Variants in A3GALT2 observed in about 807,000 individuals in gnomAD.
A3GALT2 encodes the protein alpha 1,3-galactosyltransferase 2.
A3GALT2 carries 14 observed loss-of-function variants against 16.6 expected under a neutral mutation model. That is an observed-to-expected ratio of 0.84 (90% CI 0.56 to 1.32). The LOEUF (loss-of-function observed/expected upper bound fraction) is 1.32, where lower values mean the gene tolerates loss of function less well. A3GALT2 is among the 40% of genes most tolerant of loss of function. The probability of loss-of-function intolerance (pLI) is 0.00; values close to 1 mark genes in which losing one functional copy is unlikely to be tolerated. For missense variants in A3GALT2, 600 were observed against 490.9 expected (o/e 1.22, Z -2.10); for synonymous variants, 253 against 218.0 (o/e 1.16, Z -1.42).
chr1:33,319,497 T>G (rs1207728468), intron 1 of A3GALT2, among the ~76,000 whole-genome samples: 1 of 152,202 alleles, frequency 6.6e-6, no homozygotes, highest in African/African-American at 2.4e-5. Context: ...GTTCCCTCCC[T>G]CTTTGCTACA....
chr1:33,318,556 G>A (rs1646271440), intron 1 of A3GALT2, among the ~76,000 whole-genome samples: 1 of 152,050 alleles, frequency 6.6e-6, no homozygotes, highest in Admixed American at 6.5e-5. Flanking sequence ...GTGCCTCCTT[G>A]TTTCTCACTT....
chr1:33,314,970 C>G (rs1646254581), intron 1 of A3GALT2: 1 of 152,134 alleles, frequency 6.6e-6, no homozygotes, highest in Non-Finnish European at 1.5e-5. Context: ...CATAATAGGG[C>G]TGGGAGGGGC....
chr1:33,309,013 A>G (rs1646218705), intron 4 of A3GALT2, among the ~76,000 whole-genome samples: 1 of 151,646 alleles, frequency 6.6e-6, no homozygotes, highest in South Asian at 2.1e-4. Context: ...AACAAAGCAC[A>G]TCTTGCACCG....
chr1:33,319,637 C>A (rs1032734939), intron 1 of A3GALT2, among the ~76,000 whole-genome samples: 1 of 152,052 alleles, frequency 6.6e-6, no homozygotes, highest in Non-Finnish European at 1.5e-5. Context: ...GGCCTGCACT[C>A]CAGCAGCAGG....
chr1:33,320,528 T>C lies in A3GALT2; in HGVS notation c.23+548A>G, dbSNP rs1646281297. Among the ~76,000 whole-genome samples the C allele has an allele frequency of 6.6e-6, 1 of 151,972 alleles. No homozygotes were observed. The highest frequency in any genetic ancestry group is 2.4e-5 in the African/African-American group (1 of 41,442). On this transcript the variant is annotated intron_variant, in intron 1 of 4. Transcript: ENST00000442999. This position sits in a 1 kb window ranked among gnomAD's most constrained non-coding sequence, Gnocchi z 4.3. ...TATGCCCCAGCCTGGGAGCCCGTGG[T>C]CTGTGGAGGCCCCTGATCAGTCCAC... is the stretch of plus-strand genomic sequence containing the variant.
Position 33,320,779 on chromosome 1 carries a change from G to C in A3GALT2, c.23+297C>G, listed in dbSNP as rs565347831. Among the ~76,000 whole-genome samples, 4 of 151,980 alleles carry C rather than the reference G, an allele frequency of 2.6e-5. No homozygotes were observed. Among genetic ancestry groups the C allele is most frequent in the Non-Finnish European group, 5.9e-5 (4 of 68,028 alleles). The stretch of plus-strand genomic sequence containing the variant: ...TGTACCCCCGGGTCTCTGCTTTCCG[G>C]CTCGCCAAGGGGGTTTAGAGTTAAG... On this transcript the variant is annotated intron_variant, in intron 1 of 4. Coordinates refer to ENST00000442999, the MANE Select transcript of A3GALT2 (RefSeq NM_001080438.1). This position sits in a 1 kb window ranked among gnomAD's most constrained non-coding sequence, Gnocchi z 4.3.
chr1:33,309,023 G>T (rs1003164799), intron 4 of A3GALT2, among the ~76,000 whole-genome samples: 1 of 151,470 alleles, frequency 6.6e-6, no homozygotes, highest in African/African-American at 2.4e-5. Flanking sequence ...ATCTTGCACC[G>T]CCCTTAATCC....
chr1:33,318,066 T>C (rs1285854769), intron 1 of A3GALT2, among the ~76,000 whole-genome samples: 2 of 152,286 alleles, frequency 1.3e-5, no homozygotes, highest in East Asian at 3.9e-4. Flanking sequence ...GAATAACTAA[T>C]ACGGAGAGGC....
In A3GALT2 at chr1:33,306,819, G is replaced by A. The variant is rs751248648; in HGVS notation, c.970C>T (p.Arg324Cys). Residue 324 changes from arginine to cysteine, a missense_variant, in exon 5 of 5, where the codon CGC becomes TGC. Transcript: ENST00000442999. The part of the protein sequence containing the change: ...SPDIGPRAEI[R>C]RPRLLWAPKG... ...GGCGCCCACAGCAGTCGCGGGCGGC[G>A]GATCTCGGCCCGCGGGCCGATGTCC... The A allele has an allele frequency of 2.0e-6, 3 of 1,480,028 alleles. No individual in the cohort carries two copies. The highest frequency in any genetic ancestry group is 1.7e-4 in the Middle Eastern group (1 of 5,722). 91.7% of individuals were successfully genotyped at this position (1,480,028 alleles called of 1,614,324 possible). A position where few individuals can be genotyped will look rare whatever the true frequency, so the allele number is the denominator to read the frequency against.
intron 3 of A3GALT2, 107 bp downstream of exon 3, chr1:33,312,394 G>C: frequency 7.5e-7 from 1 of 1,332,818 alleles, no homozygotes; most frequent in Admixed American, 2.3e-5. Context: ...TGGTGGCAGA[G>C]TGCCTGGCTC....
Position 33,306,799 on chromosome 1 carries a change from C to T in A3GALT2, c.990G>A (p.Trp330Ter). ...GCAGCAGCCGGTACCCCTTGGGCGC[C>T]CACAGCAGTCGCGGGCGGCGGATCT... Reference protein sequence around the residue: ...RAEIRRPRLLWAPKGYRLLRN With the variant: ...RAEIRRPRLL Residue 330 changes from tryptophan (W) to a stop codon, truncating the protein, a stop_gained, in exon 5 of 5, where the codon TGG (tryptophan) becomes TGA (stop). Coordinates refer to ENST00000442999, the MANE Select transcript of A3GALT2 (RefSeq NM_001080438.1). LOFTEE classifies it high-confidence loss of function. The T allele has an allele frequency of 6.9e-7, 1 of 1,455,216 alleles. No individual in the cohort carries two copies. Among genetic ancestry groups the T allele is most frequent in the Non-Finnish European group, 9.0e-7 (1 of 1,111,522 alleles). 90.1% of individuals were successfully genotyped at this position (1,455,216 alleles called of 1,614,324 possible).
intron 1 of A3GALT2, among the ~76,000 whole-genome samples, chr1:33,318,268 C>T (rs1646270029): frequency 1.3e-5 from 2 of 152,154 alleles, no homozygotes; most frequent in African/African-American, 2.4e-5. Flanking sequence ...GGTATAAATT[C>T]GGATGTGCTG....
Position 33,312,157 on chromosome 1 carries a change from CA to C in A3GALT2, c.229del (p.Trp77GlyfsTer29), listed in dbSNP as rs774063707. The C allele has an allele frequency of 8.7e-6, 14 of 1,613,378 alleles. No homozygotes were observed. In the African/African-American group the frequency reaches 1.6e-4, roughly 18 times the overall value. On this transcript the variant is annotated frameshift_variant, in exon 4 of 5. Coordinates refer to ENST00000442999, the MANE Select transcript of A3GALT2 (RefSeq NM_001080438.1). LOFTEE classifies it high-confidence loss of function. Reference sequence around the variant, plus strand: ...GCCATCCCAAATAATGGGAGCCCCCCAGGGGGTACAGGTCAGAACTTCAGGC... The same window carrying C: ...GCCATCCCAAATAATGGGAGCCCCCCGGGGGTACAGGTCAGAACTTCAGGC... ...ARPEVLTCTP[W>X]GAPIIWDGSF...
intron 4 of A3GALT2, among the ~76,000 whole-genome samples, chr1:33,311,397 T>C (rs1275092094): frequency 2.0e-5 from 3 of 152,166 alleles, no homozygotes; most frequent in Non-Finnish European, 4.4e-5. Flanking sequence ...TGTCCCACTC[T>C]GTAAGGACCT....
intron 4 of A3GALT2, among the ~76,000 whole-genome samples, chr1:33,309,361 C>G (rs1229164731): frequency 2.6e-5 from 4 of 151,102 alleles, no homozygotes; most frequent in East Asian, 2.0e-4. Context: ...AGGCGCCCCC[C>G]CACCTCCCAG....
chr1:33,307,531 C>A, intron 4 of A3GALT2, 78 bp from the exon 5 acceptor site: 1 of 1,186,650 alleles, frequency 8.4e-7, no homozygotes, highest in Non-Finnish European at 1.1e-6. Context: ...CACCTCTACT[C>A]CCACCCCACC....
chr1:33,307,411 C>G lies in A3GALT2; in HGVS notation c.378G>C (p.Glu126Asp). 1 of 1,552,996 alleles carries G rather than the reference C, an allele frequency of 6.4e-7. No homozygotes were observed. The highest frequency in any genetic ancestry group is 8.6e-7 in the Non-Finnish European group (1 of 1,158,558). ...KYLERFLETA[E>D]QHFMAGQSVM... is the part of the protein sequence containing the mutation. ...CGCTCTGGCCCGCCATGAAGTGCTG[C>G]TCCGCCGTCTCCAGGAAGCGCTCCA... The change falls in exon 5 of 5, where the codon GAG becomes GAC. Residue 126 changes from glutamate (E) to aspartate (D), a missense_variant. Coordinates refer to ENST00000442999, the MANE Select transcript of A3GALT2 (RefSeq NM_001080438.1).
At chr1:33,316,460 C>T (rs1456578623) in intron 1 of A3GALT2, among the ~76,000 whole-genome samples, 1 of 152,104 alleles carries the variant, frequency 6.6e-6, no homozygotes, top group African/African-American at 2.4e-5. Context: ...AACCCAAAAA[C>T]CAACAAACAA....
At chr1:33,316,844 G>A (rs550903048) in intron 1 of A3GALT2, among the ~76,000 whole-genome samples, 7 of 152,302 alleles carry the variant, frequency 4.6e-5, no homozygotes, top group Non-Finnish European at 8.8e-5. Flanking sequence ...GAGTACAGAG[G>A]GAGAGGAGGC....
Sources: gnomAD v4.1 joint callset for allele counts (sites outside exome capture counted in the v4.1 genomes callset) on GRCh38, gnomAD v4.1.1 for gene constraint, Gnocchi (gnomAD v3.1) non-coding constraint, MANE v1.5 for transcripts, NCBI Gene and HGNC (gene_info 2026-07-23, HGNC 2026-07-21) for gene names.